Variants in GSDME observed in about 807,000 individuals in gnomAD.
The protein encoded by GSDME is gasdermin-E.
GSDME carries 44 observed loss-of-function variants against 47.5 expected under a neutral mutation model. That is an observed-to-expected ratio of 0.93 (90% CI 0.73 to 1.19). The LOEUF (loss-of-function observed/expected upper bound fraction) is 1.19, where lower values mean the gene tolerates loss of function less well. Ranked by LOEUF, GSDME falls within the 50% of genes most tolerant of loss-of-function variation. The pLI, the probability that GSDME is intolerant of heterozygous loss-of-function variation, is 0.00. For missense variants in GSDME, 663 were observed against 604.2 expected (o/e 1.10, Z -1.02); for synonymous variants, 258 against 252.8 (o/e 1.02, Z -0.20).
chr7:24,789,349 C>A, the GSDME span, among the ~76,000 whole-genome samples: 1 of 152,088 alleles, frequency 6.6e-6, no homozygotes, highest in Non-Finnish European at 1.5e-5. Flanking sequence ...AAGGAAAGGG[C>A]TTTATTCGGC....
At chr7:24,774,086 T>C in the GSDME span, among the ~76,000 whole-genome samples, 10 of 152,238 alleles carry the variant, frequency 6.6e-5, no homozygotes, top group Non-Finnish European at 7.3e-5. Context: ...GTCTGAGCGA[T>C]GAGGGACTCC....
chr7:24,743,635 C>A (rs1033403931), intron 3 of GSDME, among the ~76,000 whole-genome samples: 2 of 152,190 alleles, frequency 1.3e-5, no homozygotes, highest in Non-Finnish European at 2.9e-5. Context: ...GGCGCCCCAC[C>A]CCTTTCAGCC....
rs1213952424 is a variant in GSDME, at chr7:24,733,284, TGC to T, written c.404+11276_404+11277del. Among the ~76,000 whole-genome samples, 1 of 151,972 alleles carries T rather than the reference TGC, an allele frequency of 6.6e-6. No individual in the cohort carries two copies. The highest frequency in any genetic ancestry group is 1.5e-5 in the Non-Finnish European group (1 of 68,000). On this transcript the variant is annotated intron_variant, in intron 3 of 9. Transcript: ENST00000645220. This position sits in a 1 kb window ranked among gnomAD's most constrained non-coding sequence, Gnocchi z 4.3. ...TCTGCAACAGTAACCAGGCAATACA[TGC>T]CATGAGCCTTGGGTGAGACTCTGAG...
chr7:24,790,739 C>G, the GSDME span, among the ~76,000 whole-genome samples: 2 of 152,182 alleles, frequency 1.3e-5, no homozygotes, highest in African/African-American at 4.8e-5. The surrounding 1 kb of genome is among the most constrained non-coding windows in gnomAD (Gnocchi z 4.1). Flanking sequence ...GGTTATAACA[C>G]ACATCAGGCT....
Position 24,754,809 on chromosome 7 carries a change from T to C in GSDME, c.-20+2587A>G, listed in dbSNP as rs764191163. ...TCATGGAGTTATCTAGTTTTTAAAT[T>C]AGAAGAGAAACCTCATTCTTTCTCA... is the stretch of plus-strand genomic sequence containing the variant. On this transcript the variant is annotated intron_variant, in intron 1 of 9. Coordinates refer to ENST00000645220, the MANE Select transcript of GSDME (RefSeq NM_001127453.2). This position sits in a 1 kb window ranked among gnomAD's most constrained non-coding sequence, Gnocchi z 5.0. Among the ~76,000 whole-genome samples the C allele has an allele frequency of 3.9e-5, 6 of 152,226 alleles. No homozygotes were observed. Among genetic ancestry groups the C allele is most frequent in the Non-Finnish European group, 5.9e-5 (4 of 68,038 alleles).
At chr7:24,715,328 G>C (rs575628685) in intron 5 of GSDME, among the ~76,000 whole-genome samples, 1 of 152,136 alleles carries the variant, frequency 6.6e-6, no homozygotes, top group Admixed American at 6.5e-5. Context: ...TTGCTGAGAG[G>C]GTGGACAGTA....
intron 3 of GSDME, among the ~76,000 whole-genome samples, chr7:24,738,365 C>T (rs1439053110): frequency 1.3e-5 from 2 of 152,022 alleles, no homozygotes; most frequent in Non-Finnish European, 2.9e-5. Flanking sequence ...AGGAAATAAT[C>T]CCATTTACAA....
At chr7:24,729,249 G>A (rs984480523) in intron 3 of GSDME, among the ~76,000 whole-genome samples, 2 of 152,250 alleles carry the variant, frequency 1.3e-5, no homozygotes, top group Non-Finnish European at 2.9e-5. Context: ...TCCAAGCTCT[G>A]TGCATAGAAG....
In GSDME at chr7:24,744,952, G is replaced by GTGTGTGTGT. The variant is rs397776076; in HGVS notation, c.212-199_212-198insACACACACA. 6.9e-6 allele frequency among the ~76,000 whole-genome samples: 1 copy of GTGTGTGTGT among 145,204 alleles called. No individual in the cohort carries two copies. The highest frequency in any genetic ancestry group is 2.5e-5 in the African/African-American group (1 of 39,256). ...TGTGTGTGTGTGTGTGTGTGTGTGT[G>GTGTGTGTGT]GACCGCGGGCACACAGTGGACCAGT... is the stretch of plus-strand genomic sequence containing the variant. On this transcript the variant is annotated intron_variant, in intron 2 of 9. Transcript: ENST00000645220. The surrounding 1 kb of genome is among the most constrained non-coding windows in gnomAD (Gnocchi z 4.5).
At chr7:24,784,058 A>T in the GSDME span, among the ~76,000 whole-genome samples, 1 of 152,132 alleles carries the variant, frequency 6.6e-6, no homozygotes, top group Non-Finnish European at 1.5e-5. Context: ...AGCCTGGCCA[A>T]GGTGTTTGCT....
intron 5 of GSDME, among the ~76,000 whole-genome samples, chr7:24,710,816 A>G (rs1789322660): frequency 6.6e-6 from 1 of 152,230 alleles, no homozygotes; most frequent in Non-Finnish European, 1.5e-5. Context: ...ATGTGATTAT[A>G]TTTTTAAGAA....
In GSDME at chr7:24,716,736, G is replaced by A. The variant is rs1430671733; in HGVS notation, c.697+518C>T. 1.1e-5 allele frequency: 2 copies of A among 181,208 alleles called. No homozygotes were observed. The highest frequency in any genetic ancestry group is 2.4e-5 in the Non-Finnish European group (2 of 84,306). 11.2% of individuals were successfully genotyped at this position (181,208 alleles called of 1,614,324 possible). On this transcript the variant is annotated intron_variant, in intron 5 of 9. Coordinates refer to ENST00000645220, the MANE Select transcript of GSDME (RefSeq NM_001127453.2). The surrounding 1 kb of genome is among the most constrained non-coding windows in gnomAD (Gnocchi z 4.5). ...GAGGAGGTGGGGTAACAATAATGAT[G>A]ATAATGCTATTAATAGCAAAGGTGG...
intron 3 of GSDME, among the ~76,000 whole-genome samples, chr7:24,719,794 A>G (rs757389819): frequency 2.9e-4 from 44 of 149,288 alleles, no homozygotes; most frequent in Non-Finnish European, 5.8e-4. Context: ...CTCCATCTCA[A>G]AAAAAAAAAG....
intron 3 of GSDME, among the ~76,000 whole-genome samples, chr7:24,722,289 G>A (rs893544986): frequency 3.3e-5 from 5 of 152,198 alleles, no homozygotes; most frequent in South Asian, 2.1e-4. Context: ...CAGAAGACAC[G>A]GAAGATGGGG....
At chr7:24,750,352 G>T (rs1790815648) in intron 1 of GSDME, among the ~76,000 whole-genome samples, 1 of 152,194 alleles carries the variant, frequency 6.6e-6, no homozygotes, top group Admixed American at 6.5e-5. Flanking sequence ...CATGGTGGGT[G>T]ACACCTGTAA....
the GSDME span, among the ~76,000 whole-genome samples, chr7:24,767,627 T>TG: frequency 2.8e-3 from 433 of 152,088 alleles, 8 homozygotes; most frequent in Non-Finnish European, 9.1e-4. The surrounding 1 kb of genome is among the most constrained non-coding windows in gnomAD (Gnocchi z 5.3). Context: ...ACCTTTTTTT[T>TG]TTTGTTTCTA....
At chr7:24,711,974 T>G (rs1476244515) in intron 5 of GSDME, among the ~76,000 whole-genome samples, 1 of 152,220 alleles carries the variant, frequency 6.6e-6, no homozygotes, top group African/African-American at 2.4e-5. Context: ...CTCTTTATGA[T>G]TCTATTTACT....
intron 1 of GSDME, among the ~76,000 whole-genome samples, chr7:24,750,819 AAAG>A (rs1488324429): frequency 6.6e-6 from 1 of 152,366 alleles, no homozygotes; most frequent in African/African-American, 2.4e-5. Context: ...CAGGAGGAGA[AAAG>A]AAGAGATACA....
At position 24,702,744 on chromosome 7, in the gene GSDME, C is replaced by A. The variant is rs1788922114; in HGVS notation, c.1257+16G>T. On this transcript the variant is annotated intron_variant, in intron 9 of 9. Transcript: ENST00000645220. ...ATTCCTATCCATTCTAAGGTCCCAC[C>A]TGGGAGGTTGCTTACCAAGTGGCAC... 10 of 1,611,230 alleles carry A rather than the reference C, an allele frequency of 6.2e-6. No individual in the cohort carries two copies. The highest frequency in any genetic ancestry group is 8.5e-6 in the Non-Finnish European group (10 of 1,177,830).
Sources: gnomAD v4.1 joint callset for allele counts (sites outside exome capture counted in the v4.1 genomes callset) on GRCh38, gnomAD v4.1.1 for gene constraint, Gnocchi (gnomAD v3.1) non-coding constraint, MANE v1.5 for transcripts, NCBI Gene and HGNC (gene_info 2026-07-23, HGNC 2026-07-21) for gene names.